Variants in SHISA6 observed in about 807,000 individuals in gnomAD.
SHISA6 encodes the protein shisa family member 6.
In SHISA6, 22 loss-of-function variants were observed where a neutral mutation model predicts 47.9. The observed-to-expected ratio is 0.46, with a 90% CI of 0.33 to 0.66. The LOEUF is 0.66. Ranked by LOEUF, SHISA6 falls within the 30% of genes least tolerant of loss-of-function variation. SHISA6 has a pLI of 0.02. For synonymous variants in SHISA6, 388 were observed against 337.8 expected, an observed-to-expected ratio of 1.15 and a Z score of -1.63; for missense variants, 680 against 764.6, an observed-to-expected ratio of 0.89 and a Z score of 1.30.
At chr17:11,266,702 C>T (rs1202622800) in intron 2 of SHISA6, among the ~76,000 whole-genome samples, 1 of 152,188 alleles carries the variant, frequency 6.6e-6, no homozygotes, top group Non-Finnish European at 1.5e-5. Flanking sequence ...AAGGCACATC[C>T]ACAGCTCATG....
chr17:11,262,923 A>G (rs1041406830), intron 1 of SHISA6, among the ~76,000 whole-genome samples: 2 of 152,198 alleles, frequency 1.3e-5, no homozygotes, highest in African/African-American at 4.8e-5. Context: ...TCCAGTATCT[A>G]GTACATGATA....
At chr17:11,470,645 C>A (rs1447138952) in intron 3 of SHISA6, among the ~76,000 whole-genome samples, 1 of 144,168 alleles carries the variant, frequency 6.9e-6, no homozygotes, top group East Asian at 2.1e-4. Context: ...AAAGGGACAA[C>A]AAGGCAGACA....
chr17:11,526,178 G>C (rs1021239377), intron 3 of SHISA6, among the ~76,000 whole-genome samples: 2 of 151,008 alleles, frequency 1.3e-5, no homozygotes, highest in African/African-American at 2.4e-5. Context: ...TGAGTAAATG[G>C]CCTATATTCC....
rs144131775 is a variant in SHISA6, at chr17:11,445,015, C to G, written c.895+65506C>G. Among the ~76,000 whole-genome samples the G allele has an allele frequency of 2.4e-3, 363 of 152,222 alleles. 2 individuals are homozygous for G. The highest frequency in any genetic ancestry group is 8.0e-3 in the African/African-American group (332 of 41,524). On this transcript the variant is annotated intron_variant, in intron 3 of 5. Coordinates refer to ENST00000441885, the MANE Select transcript of SHISA6 (RefSeq NM_207386.4). ...CTGAGTGACTGTTTTCTAGAAAATG[C>G]AGCTGTAGAGAGGTGATTTTCATGT...
chr17:11,457,828 G>A (rs747415993), intron 3 of SHISA6, among the ~76,000 whole-genome samples: 1 of 151,878 alleles, frequency 6.6e-6, no homozygotes, highest in African/African-American at 2.4e-5. Flanking sequence ...GCTTATGCCT[G>A]TAATCCCAAC....
intron 3 of SHISA6, among the ~76,000 whole-genome samples, chr17:11,446,116 G>A (rs984056593): frequency 1.3e-5 from 2 of 152,128 alleles, no homozygotes; most frequent in Non-Finnish European, 2.9e-5. Context: ...TTGAGCCACC[G>A]CAGCATGCTT....
chr17:11,387,200 CT>C (rs2142251570), intron 3 of SHISA6, among the ~76,000 whole-genome samples: 1 of 152,250 alleles, frequency 6.6e-6, no homozygotes, highest in African/African-American at 2.4e-5. Flanking sequence ...CTGAACAGAT[CT>C]CGTCATCCCA....
chr17:11,449,456 G>GAAAAAGAAA (rs1404792809), intron 3 of SHISA6, among the ~76,000 whole-genome samples: 1 of 151,244 alleles, frequency 6.6e-6, no homozygotes, highest in Non-Finnish European at 1.5e-5. Context: ...TAAAAAAAAA[G>GAAAAAGAAA]AAAAAGAAAA....
At chr17:11,388,119 G>A (rs943156015) in intron 3 of SHISA6, among the ~76,000 whole-genome samples, 1 of 152,178 alleles carries the variant, frequency 6.6e-6, no homozygotes, top group Admixed American at 6.5e-5. Flanking sequence ...GATGTCTGAG[G>A]CATTTGACTA....
rs768794222 is a variant in SHISA6 at position 11,263,442 on chromosome 17, G to A, written c.715G>A (p.Asp239Asn). 1.7e-5 allele frequency: 26 copies of A among 1,551,704 alleles called. No individual in the cohort carries two copies. In the South Asian group the frequency reaches 1.8e-4, roughly 11 times the overall value. ...HCERETISAI[D>N]TSPKENTPVR... ...TGAAAGAGAAACTATCTCGGCTATC[G>A]ATACCTCTCCCAAAGAGAACACGCC... Residue 239 changes from aspartate to asparagine, a missense_variant, in exon 2 of 6, where the codon GAT (aspartate) becomes AAT (asparagine). This residue lies in a region of SHISA6 where 559 missense variants were observed against 674.1 expected (regional missense o/e 0.83). Coordinates refer to ENST00000441885, the MANE Select transcript of SHISA6 (RefSeq NM_207386.4).
chr17:11,414,931 CA>C (rs1914235207), intron 3 of SHISA6, among the ~76,000 whole-genome samples: 1 of 151,154 alleles, frequency 6.6e-6, no homozygotes, highest in Non-Finnish European at 1.5e-5. Flanking sequence ...ACTAAAAATA[CA>C]AAAATTAGCC....
At chr17:11,347,906 C>A (rs897871001) in intron 2 of SHISA6, among the ~76,000 whole-genome samples, 8 of 152,140 alleles carry the variant, frequency 5.3e-5, no homozygotes, top group Non-Finnish European at 1.5e-5. Flanking sequence ...CTCTTTCATG[C>A]GCTGACTTTC....
chr17:11,453,510 C>T (rs764895709), intron 3 of SHISA6, among the ~76,000 whole-genome samples: 5 of 152,212 alleles, frequency 3.3e-5, no homozygotes, highest in Non-Finnish European at 7.3e-5. Flanking sequence ...TTAAATATAG[C>T]TTCTTCATTT....
At chr17:11,269,650 G>A (rs1429333916) in intron 2 of SHISA6, among the ~76,000 whole-genome samples, 3 of 152,186 alleles carry the variant, frequency 2.0e-5, no homozygotes, top group Non-Finnish European at 4.4e-5. Flanking sequence ...ACAGGAAGTA[G>A]GACTTTTCTT....
At chr17:11,398,178 C>T (rs1913637664) in intron 3 of SHISA6, among the ~76,000 whole-genome samples, 1 of 152,096 alleles carries the variant, frequency 6.6e-6, no homozygotes, top group Non-Finnish European at 1.5e-5. Context: ...TCTCATTTTA[C>T]ATTTTTAACA....
intron 1 of SHISA6, among the ~76,000 whole-genome samples, chr17:11,260,407 G>A (rs184169531): frequency 2.4e-4 from 36 of 152,136 alleles, no homozygotes; most frequent in African/African-American, 4.3e-4. Flanking sequence ...CACATCTGTC[G>A]TCCACATGGG....
chr17:11,296,334 G>T (rs544427845), intron 2 of SHISA6, among the ~76,000 whole-genome samples: 1 of 152,308 alleles, frequency 6.6e-6, no homozygotes, highest in Non-Finnish European at 1.5e-5. Flanking sequence ...GAAGAAAGAA[G>T]ATAGGGGCTT....
intron 3 of SHISA6, among the ~76,000 whole-genome samples, chr17:11,487,873 G>C (rs888140): frequency 0.38 from 57,777 of 151,946 alleles, 11,137 homozygotes; most frequent in African/African-American, 0.43. Context: ...GCCAGCTTCC[G>C]TGAGGGCCGT....
chr17:11,245,925 A>C (rs1172753199), intron 1 of SHISA6, among the ~76,000 whole-genome samples: 2 of 152,194 alleles, frequency 1.3e-5, no homozygotes, highest in African/African-American at 4.8e-5. Flanking sequence ...AGAAACTCAA[A>C]GAGCTCTGTT....
Sources: allele counts gnomAD v4.1 joint callset (sites outside exome capture counted in the v4.1 genomes callset), GRCh38; gene constraint gnomAD v4.1.1; regional missense constraint gnomAD v4.1.1; transcripts MANE v1.5; gene names NCBI Gene and HGNC (gene_info 2026-07-23, HGNC 2026-07-21).